SOX30: variants seen among roughly 807,000 people sequenced by gnomAD.
SOX30 encodes SRY-box transcription factor 30, also known as transcription factor SOX-30.
Under a neutral mutation model 58.6 loss-of-function variants are expected in SOX30, and 17 were observed. The ratio of observed to expected loss-of-function variants is 0.29; its 90% CI spans 0.20 to 0.44. The LOEUF (loss-of-function observed/expected upper bound fraction) is 0.44, where lower values mean the gene tolerates loss of function less well. Among genes scored for constraint, SOX30 ranks in the 20% least tolerant of loss-of-function variants. The probability of loss-of-function intolerance (pLI) is 1.00; values close to 1 mark genes in which losing one functional copy is unlikely to be tolerated. For synonymous variants in SOX30, 421 were observed against 400.2 expected, an observed-to-expected ratio of 1.05 and a Z score of -0.62; for missense variants, 951 against 965.8, an observed-to-expected ratio of 0.98 and a Z score of 0.20.
In SOX30 at chr5:157,648,977, T is replaced by C. The variant is rs148792760; in HGVS notation, c.968-81A>G. 972 of 1,487,056 alleles carry C rather than the reference T, an allele frequency of 6.5e-4. 5 individuals are homozygous for C. The African/African-American group carries it at 0.011, about 16-fold the overall frequency. The allele number at this position is 1,487,056 out of a possible 1,614,324, so 92.1% of individuals were successfully genotyped here. On this transcript the variant is annotated intron_variant, in intron 1 of 4. Transcript: ENST00000265007. Reference sequence around the variant, plus strand: ...AATTTTAAGGTAAAGTGCACCTCCGTCTATACTTATTTTTGAAATATCTGG... The same window carrying C: ...AATTTTAAGGTAAAGTGCACCTCCGCCTATACTTATTTTTGAAATATCTGG...
chr5:157,644,602 A>G (rs1417675775), intron 3 of SOX30, among the ~76,000 whole-genome samples: 1 of 152,216 alleles, frequency 6.6e-6, no homozygotes, highest in African/African-American at 2.4e-5. Context: ...AATATACAGC[A>G]TTTAACAGTG....
At chr5:157,667,232 T>A (rs1759691527) in intron 2 of SOX30, among the ~76,000 whole-genome samples, 1 of 152,220 alleles carries the variant, frequency 6.6e-6, no homozygotes, top group African/African-American at 2.4e-5. Context: ...TGAGCTCAGC[T>A]TGTCACTGGA....
intron 4 of SOX30, among the ~76,000 whole-genome samples, chr5:157,631,001 T>TTATATATATACTATATATTTTA (rs1758783425): frequency 1.6e-5 from 2 of 126,148 alleles, no homozygotes; most frequent in African/African-American, 3.2e-5. Flanking sequence ...TATATATTTT[T>TTATATATATACTATATATTTTA]TATATATATA....
intron 3 of SOX30, among the ~76,000 whole-genome samples, chr5:157,642,768 G>A (rs1759101098): frequency 6.6e-6 from 1 of 152,000 alleles, no homozygotes; most frequent in South Asian, 2.1e-4. Flanking sequence ...GCAGTCCAAA[G>A]GAAAATTGAA....
intron 3 of SOX30, among the ~76,000 whole-genome samples, chr5:157,640,437 C>T (rs1047334019): frequency 3.3e-5 from 5 of 152,090 alleles, no homozygotes; most frequent in Admixed American, 6.6e-5. Context: ...ATGCTATAAG[C>T]GAGACAGGGT....
At chr5:157,628,635 C>T (rs1270088427) in intron 4 of SOX30, among the ~76,000 whole-genome samples, 3 of 149,918 alleles carry the variant, frequency 2.0e-5, no homozygotes, top group South Asian at 2.1e-4. Flanking sequence ...CCTGAATACA[C>T]TGTGCTTCTT....
chr5:157,634,611 C>T (rs1758882954), intron 4 of SOX30, among the ~76,000 whole-genome samples: 1 of 152,072 alleles, frequency 6.6e-6, no homozygotes, highest in Non-Finnish European at 1.5e-5. Flanking sequence ...ACAATTCTAA[C>T]ATTGAAATAG....
chr5:157,626,541 A>G lies in SOX30; in HGVS notation c.2061T>C (p.Ser687=), dbSNP rs1758660175. 1 of 1,614,032 alleles carries G rather than the reference A, an allele frequency of 6.2e-7. No individual in the cohort carries two copies. The highest frequency in any genetic ancestry group is 8.5e-7 in the Non-Finnish European group (1 of 1,180,018). The change falls in exon 5 of 5, where the codon AGT becomes AGC. Residue 687 remains serine, a synonymous_variant. Transcript: ENST00000265007. The stretch of plus-strand genomic sequence containing the variant: ...AAGAAGTTCCATTCATGTTCTCACA[A>G]CTCCGAGAATTTTCACTGTGTGTGC... ...SECTHSENSR[S]CENMNGTSYY... is the part of the protein sequence containing the mutation.
At chr5:157,636,985 T>C (rs532634561) in intron 4 of SOX30, among the ~76,000 whole-genome samples, 43 of 151,922 alleles carry the variant, frequency 2.8e-4, no homozygotes, top group African/African-American at 1.0e-3. Flanking sequence ...CAAAAAAAAT[T>C]AGCCAGGCGT....
intron 3 of SOX30, among the ~76,000 whole-genome samples, chr5:157,642,436 A>G (rs1759088677): frequency 6.6e-6 from 1 of 152,098 alleles, no homozygotes; most frequent in South Asian, 2.1e-4. Flanking sequence ...ATTTAAATTT[A>G]TGATCCTGGC....
rs201680419 is a variant in SOX30, at chr5:157,638,327, G to T, written c.1783C>A (p.Pro595Thr). ...PIPHPHVYQP[P>T]PLGHPATLFG... The stretch of plus-strand genomic sequence containing the variant: ...AGTGTGGCTGGATGGCCAAGGGGAG[G>T]GGGCTGGTAGACATGTGGGTGTGGA... The change falls in exon 4 of 5, where the codon CCT (proline) becomes ACT (threonine). Residue 595 changes from proline to threonine, a missense_variant. Pro to Thr is a conservative substitution (Grantham distance 38). Coordinates refer to ENST00000265007, the MANE Select transcript of SOX30 (RefSeq NM_178424.2). 115 of 1,611,994 alleles carry T rather than the reference G, an allele frequency of 7.1e-5. No individual in the cohort carries two copies. The East Asian group carries it at 2.6e-3, about 36-fold the overall frequency.
At chr5:157,650,006 G>A (rs1759290207) in intron 1 of SOX30, among the ~76,000 whole-genome samples, 1 of 152,118 alleles carries the variant, frequency 6.6e-6, no homozygotes, top group African/African-American at 2.4e-5. Flanking sequence ...CTTCATCCCA[G>A]GAGTTCGAGA....
intron 3 of SOX30, among the ~76,000 whole-genome samples, chr5:157,643,561 C>A (rs1759120713): frequency 6.6e-6 from 1 of 152,116 alleles, no homozygotes. Flanking sequence ...GCTATTGAAA[C>A]TGATGACCTT....
chr5:157,647,336 A>G (rs1400488425), intron 2 of SOX30, among the ~76,000 whole-genome samples: 2 of 152,110 alleles, frequency 1.3e-5, no homozygotes, highest in Admixed American at 1.3e-4. Flanking sequence ...CTGGGATTAC[A>G]GGCGAGAGCC....
chr5:157,670,743 A>G (rs1414050353), intron 1 of SOX30, among the ~76,000 whole-genome samples: 1 of 152,218 alleles, frequency 6.6e-6, no homozygotes, highest in African/African-American at 2.4e-5. Context: ...AAACCTAACC[A>G]GACCGGCATC....
At chr5:157,629,774 G>A (rs1758744913) in intron 4 of SOX30, among the ~76,000 whole-genome samples, 1 of 152,186 alleles carries the variant, frequency 6.6e-6, no homozygotes, top group Admixed American at 6.5e-5. Context: ...CTGTACAGAT[G>A]AGGAAATGGA....
chr5:157,633,992 G>A (rs911228009), intron 4 of SOX30, among the ~76,000 whole-genome samples: 1 of 152,180 alleles, frequency 6.6e-6, no homozygotes, highest in Non-Finnish European at 1.5e-5. Flanking sequence ...AAAAGAACTA[G>A]TCTGAAGAAT....
At chr5:157,645,453 C>G (rs1030240717) in intron 3 of SOX30, among the ~76,000 whole-genome samples, 24 of 151,974 alleles carry the variant, frequency 1.6e-4, no homozygotes, top group Middle Eastern at 3.2e-3. Flanking sequence ...CATTTGAGCC[C>G]AGGATTCGAC....
intron 3 of SOX30, among the ~76,000 whole-genome samples, chr5:157,643,244 G>A (rs1185964956): frequency 3.3e-5 from 5 of 151,994 alleles, no homozygotes; most frequent in South Asian, 4.1e-4. Flanking sequence ...TGGCTATCAT[G>A]GTGAAACCCT....
Sources: allele counts gnomAD v4.1 joint callset (sites outside exome capture counted in the v4.1 genomes callset), GRCh38; gene constraint gnomAD v4.1.1; transcripts MANE v1.5; gene names NCBI Gene and HGNC (gene_info 2026-07-23, HGNC 2026-07-21).